The following KIAA1210 variants were observed in gnomAD, a reference collection of about 807,000 sequenced individuals.
The protein encoded by KIAA1210 is acrosomal protein KIAA1210.
In KIAA1210, 48 loss-of-function variants were observed where a neutral mutation model predicts 78.9. The ratio of observed to expected loss-of-function variants is 0.61; its 90% confidence interval spans 0.48 to 0.77. KIAA1210 has a LOEUF of 0.77. Ranked by LOEUF, KIAA1210 falls within the 30% of genes least tolerant of loss-of-function variation. The pLI is 0.00. For synonymous variants in KIAA1210, 406 were observed against 404.5 expected, an observed-to-expected ratio of 1.00 and a Z score of -0.04; for missense variants, 1,108 against 1,100.0, an observed-to-expected ratio of 1.01 and a Z score of -0.10.
exon 1 of KIAA1210, chrX:119,150,297 A>C: frequency 8.3e-7 from 1 of 1,203,684 alleles, no homozygotes; most frequent in Non-Finnish European, 1.1e-6. Context: ...GTACCCCTGC[A>C]CCAAGTGGTA....
chrX:119,124,272 G>T (rs1349353497), intron 1 of KIAA1210, among the ~76,000 whole-genome samples: 4 of 112,456 alleles, frequency 3.6e-5, no homozygotes, highest in African/African-American at 9.7e-5. Flanking sequence ...ACAGGCATGA[G>T]CCACTGTGCC....
Position 119,119,654 on chromosome X carries a change from G to C in KIAA1210, c.62-2990C>G, listed in dbSNP as rs190323224. On this transcript the variant is annotated intron_variant, in intron 2 of 11. Transcript: ENST00000691062. Reference sequence around the variant, plus strand: ...GAGCTCAGGAGTTCGAGACCAGCCTGATCAACATAGCCAGACCTCATCTGT... The same window carrying C: ...GAGCTCAGGAGTTCGAGACCAGCCTCATCAACATAGCCAGACCTCATCTGT... Among the ~76,000 whole-genome samples the C allele has an allele frequency of 4.5e-5, 5 of 111,549 alleles. No homozygotes were observed. In the Admixed American group the frequency reaches 4.8e-4, roughly 11 times the overall value.
chrX:119,136,176 G>A (rs1332089429), intron 2 of KIAA1210, among the ~76,000 whole-genome samples: 5 of 112,272 alleles, frequency 4.5e-5, no homozygotes, highest in East Asian at 2.8e-4. Flanking sequence ...TTCAAAAGCC[G>A]TCAAGGAGTG....
In KIAA1210 at chrX:119,105,073, C is replaced by T; in HGVS notation, c.567G>A (p.Leu189=). The T allele has an allele frequency of 8.3e-7, 1 of 1,209,010 alleles. No individual in the cohort carries two copies. Among genetic ancestry groups the T allele is most frequent in the Non-Finnish European group, 1.1e-6 (1 of 893,761 alleles). The change falls in exon 6 of 12, where the codon TTG becomes TTA. Residue 189 remains leucine, a synonymous_variant. Coordinates refer to ENST00000691062, the MANE Select transcript of KIAA1210 (RefSeq NM_001394962.1). ...ACTCATCATCGAGAGAGATTTCTAC[C>T]AAGTTCTTAGAAATTATTTCAGGTT... ...VIQPEIISKN[L]VEISLDDESP...
chrX:119,120,000 G>A (rs111689317), intron 2 of KIAA1210, among the ~76,000 whole-genome samples: 14 of 61,709 alleles, frequency 2.3e-4, no homozygotes, highest in Middle Eastern at 0.011. Context: ...AAAAAAGAAA[G>A]AAAGAAAAGA....
intron 2 of KIAA1210, among the ~76,000 whole-genome samples, chrX:119,144,232 G>A (rs1929115202): frequency 8.9e-6 from 1 of 112,430 alleles, no homozygotes. Flanking sequence ...GCCATACACT[G>A]GTCAGGTGAC....
intron 2 of KIAA1210, among the ~76,000 whole-genome samples, chrX:119,135,824 C>T (rs1396891943): frequency 9.0e-6 from 1 of 111,701 alleles, no homozygotes; most frequent in Non-Finnish European, 1.9e-5. Flanking sequence ...GAGGCCGAGG[C>T]GGGCGGATCA....
intron 2 of KIAA1210, among the ~76,000 whole-genome samples, chrX:119,136,964 T>A (rs1928927106): frequency 9.0e-6 from 1 of 111,602 alleles, no homozygotes; most frequent in African/African-American, 3.3e-5. Flanking sequence ...TCAGAATCCT[T>A]CCCCTTGAAC....
chrX:119,129,112 C>T (rs1302521861), upstream of KIAA1210, among the ~76,000 whole-genome samples: 1 of 112,034 alleles, frequency 8.9e-6, no homozygotes, highest in Non-Finnish European at 1.9e-5. Flanking sequence ...TTTTGATCAT[C>T]ATTGAATCTC....
chrX:119,106,929 T>A (rs961159445), intron 5 of KIAA1210, among the ~76,000 whole-genome samples: 4 of 112,433 alleles, frequency 3.6e-5, no homozygotes, highest in Non-Finnish European at 7.5e-5. Flanking sequence ...TTCAAGGGAA[T>A]TGACCCCACT....
chrX:119,133,671 CT>C (rs1304936746), intron 2 of KIAA1210, among the ~76,000 whole-genome samples: 2,028 of 95,271 alleles, frequency 0.021, 47 homozygotes, highest in African/African-American at 0.063. Flanking sequence ...TCTTTTCTTT[CT>C]TTTTTTTTTT....
intron 7 of KIAA1210, among the ~76,000 whole-genome samples, chrX:119,095,319 C>T (rs767031143): frequency 3.6e-5 from 4 of 112,604 alleles, no homozygotes; most frequent in South Asian, 3.7e-4. Context: ...GAATCACTGG[C>T]GAATTCAGTT....
chrX:119,095,739 C>G (rs1338596436), intron 7 of KIAA1210, among the ~76,000 whole-genome samples: 1 of 112,365 alleles, frequency 8.9e-6, no homozygotes, highest in African/African-American at 3.2e-5. Flanking sequence ...ATTTCTCTAT[C>G]TTTTTAAACA....
chrX:119,138,211 G>GTTTTTTT lies in KIAA1210; in HGVS notation c.410+9255_410+9261dup, dbSNP rs759946882. 8.6e-4 allele frequency among the ~76,000 whole-genome samples: 41 copies of GTTTTTTT among 47,837 alleles called. 3 individuals are homozygous for GTTTTTTT. The highest frequency in any genetic ancestry group is 2.2e-3 in the African/African-American group (24 of 10,872). 41.5% of individuals were successfully genotyped at this position (47,837 alleles called of 115,157 possible). On this transcript the variant is annotated intron_variant, in intron 2 of 13. Transcript: ENST00000402510. ...GGCAGAAGTTTGGTTTGGTTTGGTT[G>GTTTTTTT]TTTTTTTTTTTTTTTTTTTTTTTTT... is the stretch of plus-strand genomic sequence containing the variant.
At chrX:119,100,131 G>A (rs1927687183) in intron 6 of KIAA1210, among the ~76,000 whole-genome samples, 2 of 109,145 alleles carry the variant, frequency 1.8e-5, no homozygotes, top group Non-Finnish European at 3.8e-5. Flanking sequence ...GACCATCATG[G>A]CTAACATGGT....
rs1280502760 is a variant in KIAA1210, at chrX:119,079,174, C to T, written c.*2155G>A. The T allele has an allele frequency of 8.9e-6, 1 of 112,099 alleles. No individual in the cohort carries two copies. The highest frequency in any genetic ancestry group is 3.2e-5 in the African/African-American group (1 of 30,842). The allele number at this position is 112,099 out of a possible 1,213,427, so 9.2% of individuals were successfully genotyped here. A position where few individuals can be genotyped will look rare whatever the true frequency, so the allele number is the denominator to read the frequency against. On this transcript the variant is annotated 3_prime_UTR_variant, in exon 12 of 12. Transcript: ENST00000691062. ...CACATTATACCAGCATCAACAAAAC[C>T]CAGCACCAAGTGTTTAGCTCTGACA...
intron 2 of KIAA1210, among the ~76,000 whole-genome samples, chrX:119,145,330 G>A (rs1047697642): frequency 9.0e-6 from 1 of 110,613 alleles, no homozygotes; most frequent in African/African-American, 3.3e-5. Context: ...GTTTAGCCGC[G>A]TCCCTGGGCC....
At position 119,088,613 on chromosome X, in the gene KIAA1210, G is replaced by A; in HGVS notation, c.2089C>T (p.Leu697=). The change falls in exon 9 of 12, where the codon CTG becomes TTG. Residue 697 remains leucine (L), a synonymous_variant. Coordinates refer to ENST00000691062, the MANE Select transcript of KIAA1210 (RefSeq NM_001394962.1). Reference sequence around the variant, plus strand: ...GCCTGAGCAGGGTGTCTGAGAGGCAGGTCTTCCTCTGAGCTGCTGCAATCA... The same window carrying A: ...GCCTGAGCAGGGTGTCTGAGAGGCAAGTCTTCCTCTGAGCTGCTGCAATCA... The part of the protein sequence containing the change: ...SDDCSSSEED[L]PLRHPAQALG... 8.3e-7 allele frequency: 1 copy of A among 1,211,563 alleles called. No individual in the cohort carries two copies. The highest frequency in any genetic ancestry group is 1.1e-6 in the Non-Finnish European group (1 of 895,359).
In KIAA1210 at chrX:119,088,517, A is replaced by G. The variant is rs1282003370; in HGVS notation, c.2185T>C (p.Phe729Leu). The G allele has an allele frequency of 1.7e-6, 2 of 1,211,049 alleles. No individual in the cohort carries two copies. Among genetic ancestry groups the G allele is most frequent in the Non-Finnish European group, 2.2e-6 (2 of 895,196 alleles). The change falls in exon 9 of 12, where the codon TTT (phenylalanine) becomes CTT (leucine). Residue 729 changes from phenylalanine to leucine, a missense_variant. Physicochemically the swap from Phe to Leu is conservative, Grantham distance 22 (BLOSUM62 0). This residue lies in a region of KIAA1210 where 672 missense variants were observed against 607.1 expected (regional missense o/e 1.11). Transcript: ENST00000691062. The part of the protein sequence containing the change: ...SNNTPEEQND[F>L]MQQLPSRCPS... Reference sequence around the variant, plus strand: ...CATCTGGAAGGCAGCTGCTGCATAAAATCATTCTGCTCTTCAGGAGTATTA... The same window carrying G: ...CATCTGGAAGGCAGCTGCTGCATAAGATCATTCTGCTCTTCAGGAGTATTA...
Sources: allele counts gnomAD v4.1 joint callset (sites outside exome capture counted in the v4.1 genomes callset), GRCh38; gene constraint gnomAD v4.1.1; regional missense constraint gnomAD v4.1.1; transcripts MANE v1.5; gene names NCBI Gene and HGNC (gene_info 2026-07-23, HGNC 2026-07-21).